Variants in TMEM273 observed in about 807,000 individuals in gnomAD.
TMEM273 encodes the protein transmembrane protein 273.
TMEM273 carries 19 observed loss-of-function variants against 17.9 expected under a neutral mutation model. The observed-to-expected ratio is 1.06, with a 90% CI of 0.74 to 1.55. The LOEUF is 1.55. TMEM273 is among the 40% of genes most tolerant of loss of function. The probability of loss-of-function intolerance (pLI) is 0.00; values close to 1 mark genes in which losing one functional copy is unlikely to be tolerated. For missense variants in TMEM273, 194 were observed against 155.6 expected (o/e 1.25, Z -1.31); for synonymous variants, 66 against 62.0 (o/e 1.07, Z -0.31).
At chr10:49,185,242 G>A (rs1962335) in intron 1 of TMEM273, among the ~76,000 whole-genome samples, 3,420 of 152,250 alleles carry the variant, frequency 0.022, 57 homozygotes, top group Middle Eastern at 0.082. Flanking sequence ...CTCAGTGTTT[G>A]AAAATATTTA....
intron 5 of TMEM273, among the ~76,000 whole-genome samples, chr10:49,162,229 C>T (rs1303595559): frequency 2.6e-5 from 4 of 152,322 alleles, no homozygotes; most frequent in Admixed American, 2.0e-4. Context: ...TGTTGTATTG[C>T]TCACAGCAGC....
At chr10:49,165,672 C>T in intron 4 of TMEM273, 94 bp downstream of exon 4, 11 of 1,542,086 alleles carry the variant, frequency 7.1e-6, no homozygotes, top group Non-Finnish European at 9.8e-6. Flanking sequence ...TGCCAGAGTG[C>T]AGAGAAGGCT....
intron 1 of TMEM273, chr10:49,178,299 C>T (rs1847125518): frequency 2.2e-6 from 1 of 457,026 alleles, no homozygotes; most frequent in Non-Finnish European, 4.4e-6. Flanking sequence ...CCCATTCTTG[C>T]AGACTGGCTC....
chr10:49,159,735 G>A (rs191958487), intron 6 of TMEM273, among the ~76,000 whole-genome samples: 159 of 88,720 alleles, frequency 1.8e-3, no homozygotes, highest in African/African-American at 5.7e-3. Context: ...GAGAGAGTGA[G>A]AGAGAGACAG....
chr10:49,166,948 G>A lies in TMEM273; in HGVS notation c.159C>T (p.Ala53=), dbSNP rs1250185885. ...VGVAISAGFL[A]LKICMIRRHL... The stretch of plus-strand genomic sequence containing the variant: ...GCCTCCTGATCATGCAGATCTTCAG[G>A]GCCAGGAAGCCAGCAGATATGGCGA... Residue 53 remains alanine (A), a synonymous_variant, in exon 3 of 7, where the codon GCC becomes GCT. Transcript: ENST00000374153. The A allele has an allele frequency of 2.5e-6, 4 of 1,614,148 alleles. No individual in the cohort carries two copies. The highest frequency in any genetic ancestry group is 3.3e-5 in the Admixed American group (2 of 60,032).
rs777729335 is a variant in TMEM273, at chr10:49,166,791, C to T, written c.238+78G>A. 2.4e-5 allele frequency: 38 copies of T among 1,590,926 alleles called. No individual in the cohort carries two copies. The African/African-American group carries it at 4.7e-4, about 20-fold the overall frequency. On this transcript the variant is annotated intron_variant, in intron 3 of 6. Transcript: ENST00000374153. ...CTCTGCGCTTGTGGGTTCATTCTTG[C>T]TGTAGCCAGCATCACAGAGTGGCCC... is the stretch of plus-strand genomic sequence containing the variant.
chr10:49,170,968 C>A (rs970383224), intron 1 of TMEM273, among the ~76,000 whole-genome samples: 4 of 152,250 alleles, frequency 2.6e-5, no homozygotes, highest in Non-Finnish European at 5.9e-5. Context: ...AGCAGGCCTG[C>A]TTGGACATCA....
intron 5 of TMEM273, 81 bp from the exon 6 acceptor site, chr10:49,161,703 G>C: frequency 6.4e-7 from 1 of 1,558,480 alleles, no homozygotes; most frequent in East Asian, 2.2e-5. Flanking sequence ...GCAAGAGAGT[G>C]GCTTGCTTGT....
chr10:49,157,291 G>T (rs770454022), intron 6 of TMEM273, among the ~76,000 whole-genome samples: 1 of 152,220 alleles, frequency 6.6e-6, no homozygotes, highest in Non-Finnish European at 1.5e-5. Flanking sequence ...AGCCACCAGA[G>T]AGCCAGGCAC....
Position 49,161,640 on chromosome 10 carries a change from A to C in TMEM273, c.349-18T>G, listed in dbSNP as rs750039771. 2 of 1,614,132 alleles carry C rather than the reference A, an allele frequency of 1.2e-6. No individual in the cohort carries two copies. Among genetic ancestry groups the C allele is most frequent in the Admixed American group, 3.3e-5 (2 of 60,016 alleles). ...GGTTTCGCCTGCAAAACAAGATAAAAGGGTGTTCATTGCCTAAGCCTTAGA... is the reference window on the plus strand; with the variant it reads ...GGTTTCGCCTGCAAAACAAGATAAACGGGTGTTCATTGCCTAAGCCTTAGA... On this transcript the variant is annotated intron_variant, in intron 5 of 6. Coordinates refer to ENST00000374153, the MANE Select transcript of TMEM273 (RefSeq NM_001288740.3).
intron 6 of TMEM273, chr10:49,160,560 A>G (rs1383977790): frequency 6.6e-6 from 1 of 152,240 alleles, no homozygotes; most frequent in East Asian, 1.9e-4. Flanking sequence ...AAAATAGCAC[A>G]ATAAAAAATA....
intron 1 of TMEM273, among the ~76,000 whole-genome samples, chr10:49,177,376 G>A (rs1205511914): frequency 6.6e-6 from 1 of 152,194 alleles, no homozygotes; most frequent in Admixed American, 6.5e-5. Context: ...GCTGCACTAA[G>A]CCATTGCACA....
intron 1 of TMEM273, among the ~76,000 whole-genome samples, chr10:49,184,392 T>G (rs148381878): frequency 6.6e-6 from 1 of 152,260 alleles, no homozygotes; most frequent in South Asian, 2.1e-4. Context: ...AGAGAAGATA[T>G]TTGGAACACA....
intron 6 of TMEM273, among the ~76,000 whole-genome samples, chr10:49,159,743 C>CAGAGAGAGTGAGAGAGAGACAGAG (rs1845726409): frequency 7.3e-6 from 1 of 136,628 alleles, no homozygotes; most frequent in African/African-American, 2.7e-5. Flanking sequence ...GAGAGAGAGA[C>CAGAGAGAGTGAGAGAGAGACAGAG]AGAGAGAGAA....
intron 1 of TMEM273, among the ~76,000 whole-genome samples, chr10:49,184,337 T>C (rs1847535130): frequency 6.6e-6 from 1 of 152,158 alleles, no homozygotes; most frequent in African/African-American, 2.4e-5. Context: ...GAAAGACTTC[T>C]CACAACAAAG....
chr10:49,155,819 A>G lies in TMEM273; in HGVS notation c.*73T>C. 1 of 1,612,494 alleles carries G rather than the reference A, an allele frequency of 6.2e-7. No homozygotes were observed. ...AGCCTTGGGTGTTTGAATGCAGAAC[A>G]TCCTGAGATGTTAACCATGGGCTGT... is the stretch of plus-strand genomic sequence containing the variant. On this transcript the variant is annotated 3_prime_UTR_variant, in exon 7 of 7. Coordinates refer to ENST00000374153, the MANE Select transcript of TMEM273 (RefSeq NM_001288740.3).
chr10:49,174,389 T>C (rs1009175307), intron 1 of TMEM273, among the ~76,000 whole-genome samples: 1 of 152,228 alleles, frequency 6.6e-6, no homozygotes, highest in Non-Finnish European at 1.5e-5. Flanking sequence ...TGCAGGGGCA[T>C]AGGTCATGGG....
chr10:49,160,966 T>A (rs2132103733), intron 6 of TMEM273: 1 of 152,548 alleles, frequency 6.6e-6, no homozygotes, highest in Admixed American at 6.5e-5. Flanking sequence ...AGGGAGCAAA[T>A]TCTCAGTGGG....
At chr10:49,163,203 G>A (rs1399560070) in intron 5 of TMEM273, among the ~76,000 whole-genome samples, 2 of 152,182 alleles carry the variant, frequency 1.3e-5, no homozygotes, top group Admixed American at 6.5e-5. Flanking sequence ...GGATTTGGGG[G>A]CACTGGGAGC....
Sources: gnomAD v4.1 joint callset for allele counts (sites outside exome capture counted in the v4.1 genomes callset) on GRCh38, gnomAD v4.1.1 for gene constraint, MANE v1.5 for transcripts, NCBI Gene and HGNC (gene_info 2026-07-23, HGNC 2026-07-21) for gene names.